GNAQ: variants seen among roughly 807,000 people sequenced by gnomAD.
GNAQ encodes the protein guanine nucleotide-binding protein G(q) subunit alpha.
In GNAQ, 8 loss-of-function variants were observed where a neutral mutation model predicts 43.9. That is an observed-to-expected ratio of 0.18 (90% CI 0.11 to 0.33). GNAQ has a LOEUF of 0.33. Among genes scored for constraint, GNAQ ranks in the 10% least tolerant of loss-of-function variants. The pLI, the probability that GNAQ is intolerant of heterozygous loss-of-function variation, is 1.00. For synonymous variants in GNAQ, 155 were observed against 170.7 expected (o/e 0.91, Z 0.71); for missense variants, 158 against 450.8 (o/e 0.35, Z 5.88).
At chr9:77,991,780 C>A (rs1237608029) in intron 1 of GNAQ, among the ~76,000 whole-genome samples, 2 of 152,164 alleles carry the variant, frequency 1.3e-5, no homozygotes, top group Non-Finnish European at 2.9e-5. Context: ...TTTGTATCCT[C>A]ACAGCTTAGT....
At position 77,719,054 on chromosome 9, in the gene GNAQ, C is replaced by T. The variant is rs942785479; in HGVS notation, c.*2269G>A. 8.6e-6 allele frequency: 2 copies of T among 231,278 alleles called. No homozygotes were observed. Among genetic ancestry groups the T allele is most frequent in the East Asian group, 6.1e-5 (1 of 16,394 alleles). The allele number at this position is 231,278 out of a possible 1,614,324, so 14.3% of individuals were successfully genotyped here. ...GGGTCTTATAATCAGTATACCTCTA[C>T]TCAGGAATGTGCAAATGATTTTATA... On this transcript the variant is annotated 3_prime_UTR_variant, in exon 7 of 7. Coordinates refer to ENST00000286548, the MANE Select transcript of GNAQ (RefSeq NM_002072.5).
intron 1 of GNAQ, 140 bp from the exon 2 acceptor site, chr9:77,922,485 C>A: frequency 1.6e-6 from 1 of 625,032 alleles, no homozygotes; most frequent in Non-Finnish European, 2.8e-6. Context: ...GAAACACTAC[C>A]TATGGTGAAC....
At chr9:77,812,653 T>A (rs141297719) in intron 3 of GNAQ, among the ~76,000 whole-genome samples, 1 of 152,008 alleles carries the variant, frequency 6.6e-6, no homozygotes, top group African/African-American at 2.4e-5. Context: ...TTGGAAGAAT[T>A]TGGGAAATCT....
At chr9:77,862,912 C>T (rs1354663366) in intron 2 of GNAQ, among the ~76,000 whole-genome samples, 1 of 152,176 alleles carries the variant, frequency 6.6e-6, no homozygotes, top group Non-Finnish European at 1.5e-5. Flanking sequence ...GACACGGTGG[C>T]TCATGCCTGT....
In GNAQ at chr9:77,862,066, G is replaced by A. The variant is rs529516326; in HGVS notation, c.322-46296C>T. Among the ~76,000 whole-genome samples the A allele has an allele frequency of 2.5e-4, 38 of 150,128 alleles. No homozygotes were observed. The South Asian group carries it at 3.4e-3, about 13-fold the overall frequency. Reference sequence around the variant, plus strand: ...TCCCATGGTCTTGGACAGTTCTGCCGTTCTGCCCCTGTGGCTTTGCAGGGT... The same window carrying A: ...TCCCATGGTCTTGGACAGTTCTGCCATTCTGCCCCTGTGGCTTTGCAGGGT... On this transcript the variant is annotated intron_variant, in intron 2 of 6. Coordinates refer to ENST00000286548, the MANE Select transcript of GNAQ (RefSeq NM_002072.5).
chr9:77,838,285 A>G (rs1221737122), intron 2 of GNAQ, among the ~76,000 whole-genome samples: 1 of 150,488 alleles, frequency 6.6e-6, no homozygotes, highest in Non-Finnish European at 1.5e-5. Flanking sequence ...CTGGGATTAT[A>G]GGCACGCACC....
intron 1 of GNAQ, among the ~76,000 whole-genome samples, chr9:77,962,718 C>T (rs972781927): frequency 4.0e-5 from 6 of 151,626 alleles, no homozygotes; most frequent in Admixed American, 6.6e-5. Context: ...GGTGAAACCC[C>T]GTGTCTAATA....
At chr9:77,781,271 G>C (rs1457653857) in intron 5 of GNAQ, among the ~76,000 whole-genome samples, 2 of 151,946 alleles carry the variant, frequency 1.3e-5, no homozygotes, top group African/African-American at 2.4e-5. Flanking sequence ...TTTCGTAAAG[G>C]GTGGGACGTG....
chr9:77,839,713 C>A (rs1887772), intron 2 of GNAQ, among the ~76,000 whole-genome samples: 121,913 of 152,188 alleles, frequency 0.8, 48,966 homozygotes, highest in Admixed American at 0.86. Flanking sequence ...TGATCACTAG[C>A]GTGGCTATAC....
At chr9:77,983,963 C>T (rs931667280) in intron 1 of GNAQ, among the ~76,000 whole-genome samples, 2 of 143,690 alleles carry the variant, frequency 1.4e-5, no homozygotes, top group African/African-American at 2.6e-5. Flanking sequence ...AGATCTAACA[C>T]GTTGTGCTTT....
chr9:77,762,999 A>G (rs1826075383), intron 5 of GNAQ, among the ~76,000 whole-genome samples: 1 of 151,952 alleles, frequency 6.6e-6, no homozygotes, highest in Admixed American at 6.6e-5. Flanking sequence ...AAAACCAGAG[A>G]CCTTTGTTCA....
intron 3 of GNAQ, among the ~76,000 whole-genome samples, chr9:77,812,239 C>A (rs146214262): frequency 1.0e-3 from 155 of 152,252 alleles, no homozygotes; most frequent in African/African-American, 3.6e-3. Flanking sequence ...AGAGGAAGAG[C>A]TGATGAAGAA....
intron 1 of GNAQ, among the ~76,000 whole-genome samples, chr9:77,968,797 T>G (rs957357143): frequency 2.0e-5 from 3 of 152,184 alleles, no homozygotes; most frequent in African/African-American, 7.2e-5. Flanking sequence ...AAAGAGGAAC[T>G]CAGAGAGAAT....
rs1010141343 is a variant in GNAQ at position 77,815,751 on chromosome 9, C to T, written c.341G>A (p.Arg114Gln). 9 of 1,611,584 alleles carry T rather than the reference C, an allele frequency of 5.6e-6. No individual in the cohort carries two copies. The highest frequency in any genetic ancestry group is 4.0e-5 in the African/African-American group (3 of 74,836). Residue 114 changes from arginine (R) to glutamine (Q), a missense_variant, in exon 3 of 7, where the codon CGA (arginine) becomes CAA (glutamine). Coordinates refer to ENST00000286548, the MANE Select transcript of GNAQ (RefSeq NM_002072.5). ...EHNKAHAQLVREVDVEKVSAF... is the reference protein window; with the variant it reads ...EHNKAHAQLVQEVDVEKVSAF... ...AGACACCTTCTCCACATCAACTTCT[C>T]GAACTAATTGTGCATGAGCCTGTTT...
intron 2 of GNAQ, among the ~76,000 whole-genome samples, chr9:77,858,897 C>A (rs915887721): frequency 7.2e-5 from 11 of 151,914 alleles, no homozygotes; most frequent in African/African-American, 2.2e-4. Context: ...CCTGAAGGCA[C>A]CTCACCTCAA....
intron 5 of GNAQ, among the ~76,000 whole-genome samples, chr9:77,754,450 ACAT>A (rs1199194851): frequency 6.6e-6 from 1 of 152,164 alleles, no homozygotes; most frequent in African/African-American, 2.4e-5. Context: ...ACAAGTTCCC[ACAT>A]CATAACAGCT....
At chr9:77,824,409 T>C (rs979184217) in intron 2 of GNAQ, among the ~76,000 whole-genome samples, 1 of 152,202 alleles carries the variant, frequency 6.6e-6, no homozygotes, top group Non-Finnish European at 1.5e-5. Context: ...AATATTTTCA[T>C]AGAACTATCT....
At chr9:77,808,123 A>C (rs1194854538) in intron 3 of GNAQ, among the ~76,000 whole-genome samples, 1 of 152,136 alleles carries the variant, frequency 6.6e-6, no homozygotes, top group Non-Finnish European at 1.5e-5. Context: ...ATAAAATGTG[A>C]GCAAACAGCA....
intron 2 of GNAQ, among the ~76,000 whole-genome samples, chr9:77,886,932 A>C (rs1828316740): frequency 6.7e-6 from 1 of 150,252 alleles, no homozygotes; most frequent in Admixed American, 6.8e-5. Context: ...AACACAGTGA[A>C]ACCCCATCTC....
Sources: allele counts gnomAD v4.1 joint callset (sites outside exome capture counted in the v4.1 genomes callset), GRCh38; gene constraint gnomAD v4.1.1; transcripts MANE v1.5; gene names NCBI Gene and HGNC (gene_info 2026-07-23, HGNC 2026-07-21).